VIRMA: variants seen among roughly 807,000 people sequenced by gnomAD.
VIRMA encodes vir like m6A methyltransferase associated, also known as protein virilizer homolog.
Under a neutral mutation model 182.4 loss-of-function variants are expected in VIRMA, and 65 were observed. The observed-to-expected ratio is 0.36, with a 90% confidence interval of 0.29 to 0.44. The LOEUF is 0.44. VIRMA is among the 20% of genes least tolerant of loss of function. The pLI is 1.00. For missense variants in VIRMA, 1,752 were observed against 2,158.1 expected, an observed-to-expected ratio of 0.81 and a Z score of 3.73; for synonymous variants, 709 against 743.1, an observed-to-expected ratio of 0.95 and a Z score of 0.75.
rs899425568 is a variant in VIRMA, at chr8:94,487,941, A to C, written c.*765T>G. 2.6e-5 allele frequency: 4 copies of C among 152,244 alleles called. No homozygotes were observed. Among genetic ancestry groups the C allele is most frequent in the Non-Finnish European group, 5.9e-5 (4 of 68,040 alleles). The allele number at this position is 152,244 out of a possible 1,614,324, so 9.4% of individuals were successfully genotyped here. A position where few individuals can be genotyped will look rare whatever the true frequency, so the allele number is the denominator to read the frequency against. On this transcript the variant is annotated 3_prime_UTR_variant, in exon 24 of 24. Coordinates refer to ENST00000297591, the MANE Select transcript of VIRMA (RefSeq NM_015496.5). ...GCTGAAATGCAAAGTTCAGATTTCT[A>C]ATACAAAGGAGAGGAGTATTTTGTT...
intron 16 of VIRMA, among the ~76,000 whole-genome samples, chr8:94,504,787 T>C (rs111984987): frequency 0.02 from 3,024 of 152,204 alleles, 58 homozygotes; most frequent in South Asian, 0.028. Flanking sequence ...GAGATGCCAT[T>C]AGATAGTCAA....
rs1814371496 is a variant in VIRMA, at chr8:94,511,465, A to T, written c.3110T>A (p.Leu1037His). ...EFKDMRVPSA[L>H]VTLHMLLCSI... ...GCACAGGAGCATATGTAAAGTAACA[A>T]GCGCTGAAGGAACACGCATGTCCTT... is the stretch of plus-strand genomic sequence containing the variant. The change falls in exon 13 of 24, where the codon CTT becomes CAT. Residue 1037 changes from leucine to histidine, a missense_variant. Physicochemically the swap from Leu to His is moderately conservative, Grantham distance 99. Around this residue, in one of 11 missense-constraint regions of VIRMA, gnomAD observed 777 missense variants for 920.6 expected, o/e 0.84. Transcript: ENST00000297591. 6.2e-7 allele frequency: 1 copy of T among 1,614,040 alleles called. No individual in the cohort carries two copies.
At chr8:94,552,195 A>C (rs979528400) in intron 1 of VIRMA, among the ~76,000 whole-genome samples, 10 of 152,258 alleles carry the variant, frequency 6.6e-5, no homozygotes, top group African/African-American at 2.4e-4. Context: ...TCAGTAAGAA[A>C]TGCTAACTCA....
intron 9 of VIRMA, among the ~76,000 whole-genome samples, chr8:94,518,148 G>T (rs1373619414): frequency 1.3e-5 from 2 of 152,026 alleles, no homozygotes; most frequent in Non-Finnish European, 2.9e-5. Context: ...ATATAAAAAA[G>T]CATACATATC....
At chr8:94,517,289 A>C (rs1186185405) in intron 10 of VIRMA, among the ~76,000 whole-genome samples, 1 of 152,108 alleles carries the variant, frequency 6.6e-6, no homozygotes, top group Non-Finnish European at 1.5e-5. Flanking sequence ...TGCAACCTCC[A>C]CCTCCCAGGT....
At chr8:94,492,571 C>T (rs930323276) in intron 21 of VIRMA, 81 bp downstream of exon 21, 199 of 1,292,478 alleles carry the variant, frequency 1.5e-4, no homozygotes, top group Non-Finnish European at 1.9e-4. Context: ...CGCGCTCGGC[C>T]GCATGTGTCT....
intron 8 of VIRMA, among the ~76,000 whole-genome samples, chr8:94,524,466 G>A (rs963672613): frequency 2.0e-5 from 3 of 151,318 alleles, no homozygotes; most frequent in Admixed American, 1.3e-4. Context: ...CACCACACCC[G>A]ACTAATTTTT....
At chr8:94,505,866 A>G (rs1040047445) in intron 16 of VIRMA, among the ~76,000 whole-genome samples, 1 of 152,166 alleles carries the variant, frequency 6.6e-6, no homozygotes, top group Admixed American at 6.6e-5. Flanking sequence ...CTCCATACCC[A>G]TGGATTCTGC....
intron 1 of VIRMA, among the ~76,000 whole-genome samples, chr8:94,547,849 C>T (rs1164383162): frequency 4.1e-5 from 6 of 147,132 alleles, no homozygotes; most frequent in Admixed American, 1.3e-4. Context: ...CCTGGCAACA[C>T]GGCAAGACTC....
In VIRMA at chr8:94,488,723, G is replaced by A. The variant is rs750028172; in HGVS notation, c.5422C>T (p.Arg1808Cys). 13 of 1,613,962 alleles carry A rather than the reference G, an allele frequency of 8.1e-6. No homozygotes were observed. Among genetic ancestry groups the A allele is most frequent in the East Asian group, 2.2e-5 (1 of 44,890 alleles). Residue 1808 changes from arginine to cysteine, a missense_variant, in exon 24 of 24, where the codon CGC (arginine) becomes TGC (cysteine). Physicochemically the swap from Arg to Cys is radical, Grantham distance 180. Transcript: ENST00000297591. ...AAGGATTTTTATCGTGTAAAGGAGCGTACATGACGACCTCTACCACTGCCT... is the reference window on the plus strand; with the variant it reads ...AAGGATTTTTATCGTGTAAAGGAGCATACATGACGACCTCTACCACTGCCT... ...SGGSGRGRHV[R>C]SFTR is the part of the protein sequence containing the mutation.
intron 6 of VIRMA, 126 bp downstream of exon 6, chr8:94,530,837 A>T: frequency 1.1e-6 from 1 of 919,908 alleles, no homozygotes. Flanking sequence ...ACTTAAGCCC[A>T]GGTGGTCAAG....
At chr8:94,513,185 A>G (rs1038881386) in intron 11 of VIRMA, among the ~76,000 whole-genome samples, 13 of 152,144 alleles carry the variant, frequency 8.5e-5, no homozygotes, top group Admixed American at 2.0e-4. Flanking sequence ...TAAAAATACA[A>G]AAATTAGCCA....
rs80217924 is a variant in VIRMA at position 94,493,851 on chromosome 8, C to T, written c.4641+1009G>A. On this transcript the variant is annotated intron_variant, in intron 20 of 23. Transcript: ENST00000297591. Reference sequence around the variant, plus strand: ...ATAATAAGATGTGGCTAAAATAATTCGCCTTACCACATCTCTGAGAAGCAT... The same window carrying T: ...ATAATAAGATGTGGCTAAAATAATTTGCCTTACCACATCTCTGAGAAGCAT... Among the ~76,000 whole-genome samples, 511 of 152,226 alleles carry T rather than the reference C, an allele frequency of 3.4e-3. 1 individual carries two copies. Among genetic ancestry groups the T allele is most frequent in the African/African-American group, 0.012 (493 of 41,528 alleles).
Position 94,506,157 on chromosome 8 carries a change from T to TA in VIRMA, c.4097+342dup, listed in dbSNP as rs1323611585. On this transcript the variant is annotated intron_variant, in intron 16 of 23. Coordinates refer to ENST00000297591, the MANE Select transcript of VIRMA (RefSeq NM_015496.5). Reference sequence around the variant, plus strand: ...ATCTGCATTTTAGCTTTAAGGTCTATAAAATCCCTCTAGCATCCATCACTT... The same window carrying TA: ...ATCTGCATTTTAGCTTTAAGGTCTATAAAAATCCCTCTAGCATCCATCACTT... Among the ~76,000 whole-genome samples, 4 of 152,324 alleles carry TA rather than the reference T, an allele frequency of 2.6e-5. No individual in the cohort carries two copies. The East Asian group carries it at 5.8e-4, about 22-fold the overall frequency.
At position 94,534,860 on chromosome 8, in the gene VIRMA, A is replaced by T. The variant is rs1478979977; in HGVS notation, c.463T>A (p.Leu155Met). ...PPPPPQPQPS[L>M]KRNPKHADGE... is the part of the protein sequence containing the mutation. ...TCACCATGTTTTGGATTCCTTTTCA[A>T]ACTTGGTTGTGGCTGGGGAGGTGGT... Residue 155 changes from leucine to methionine, a missense_variant, in exon 5 of 24, where the codon TTG becomes ATG. By Grantham distance (15) the Leu-to-Met change is conservative. This residue lies in a region of VIRMA where 195 missense variants were observed against 191.7 expected (regional missense o/e 1.02). Coordinates refer to ENST00000297591, the MANE Select transcript of VIRMA (RefSeq NM_015496.5). 2 of 1,613,200 alleles carry T rather than the reference A, an allele frequency of 1.2e-6. No individual in the cohort carries two copies. Among genetic ancestry groups the T allele is most frequent in the Admixed American group, 3.3e-5 (2 of 59,744 alleles).
At chr8:94,502,619 TAAACACACCC>T (rs1478383912) in intron 16 of VIRMA, among the ~76,000 whole-genome samples, 1 of 151,976 alleles carries the variant, frequency 6.6e-6, no homozygotes, top group African/African-American at 2.4e-5. Flanking sequence ...CTAAGAGCAA[TAAACACACCC>T]AGAGCCCAGA....
chr8:94,529,116 TTCC>T lies in VIRMA; in HGVS notation c.831_833del (p.Glu280del). On this transcript the variant is annotated inframe_deletion, in exon 7 of 24. Transcript: ENST00000297591. ...CACCTTCTTCCTCTTCATCTTCCTCTTCCTCCTCAGGAATACTGTCTACTGTTC... is the reference window on the plus strand; with the variant it reads ...CACCTTCTTCCTCTTCATCTTCCTCTTCCTCAGGAATACTGTCTACTGTTC... 6.5e-7 allele frequency: 1 copy of T among 1,531,390 alleles called. No individual in the cohort carries two copies. The highest frequency in any genetic ancestry group is 9.0e-7 in the Non-Finnish European group (1 of 1,105,230). The allele number at this position is 1,531,390 out of a possible 1,614,324, so 94.9% of individuals were successfully genotyped here. A position where few individuals can be genotyped will look rare whatever the true frequency, so the allele number is the denominator to read the frequency against.
At chr8:94,517,473 G>A (rs1473676820) in intron 10 of VIRMA, among the ~76,000 whole-genome samples, 3 of 152,174 alleles carry the variant, frequency 2.0e-5, no homozygotes, top group Non-Finnish European at 2.9e-5. Context: ...AAAGTGCTGG[G>A]ATTACAGGCA....
At chr8:94,499,866 G>A (rs1813906315) in intron 16 of VIRMA, among the ~76,000 whole-genome samples, 1 of 139,434 alleles carries the variant, frequency 7.2e-6, no homozygotes, top group South Asian at 2.2e-4. Flanking sequence ...CCAACATAGG[G>A]TAACCCGGTC....
Sources: allele counts gnomAD v4.1 joint callset (sites outside exome capture counted in the v4.1 genomes callset), GRCh38; gene constraint gnomAD v4.1.1; regional missense constraint gnomAD v4.1.1; transcripts MANE v1.5; gene names NCBI Gene and HGNC (gene_info 2026-07-23, HGNC 2026-07-21).